The following DTNA variants were observed in gnomAD, a reference collection of about 807,000 sequenced individuals.
DTNA encodes dystrophin-related protein 3.
In DTNA, 43 loss-of-function variants were observed where a neutral mutation model predicts 100.7. The observed-to-expected ratio is 0.43, with a 90% CI of 0.33 to 0.55. The LOEUF is 0.55. DTNA is among the 20% of genes least tolerant of loss of function. The probability of loss-of-function intolerance (pLI) is 0.04; values close to 1 mark genes in which losing one functional copy is unlikely to be tolerated. For synonymous variants in DTNA, 349 were observed against 347.9 expected (o/e 1.00, Z -0.04); for missense variants, 798 against 953.9 (o/e 0.84, Z 2.15).
chr18:34,845,406 C>G (rs2149819137), intron 13 of DTNA, among the ~76,000 whole-genome samples: 1 of 152,244 alleles, frequency 6.6e-6, no homozygotes, highest in East Asian at 1.9e-4. Flanking sequence ...ATTACTTACA[C>G]TAGCTAGTCA....
At chr18:34,590,260 C>A (rs1045926264) in intron 1 of DTNA, among the ~76,000 whole-genome samples, 7 of 152,246 alleles carry the variant, frequency 4.6e-5, no homozygotes, top group African/African-American at 1.7e-4. Flanking sequence ...TCTACTTTTT[C>A]TTGGGCAGTA....
rs147386833 is a variant in DTNA at position 34,494,763 on chromosome 18, A to G, written c.-2+1249A>G. Among the ~76,000 whole-genome samples the G allele has an allele frequency of 2.0e-3, 298 of 152,184 alleles. 7 individuals are homozygous for G. The highest frequency in any genetic ancestry group is 0.016 in the Admixed American group (251 of 15,288). ...CTTATTCTAAAAAAATTGTCTTTTG[A>G]GTTGATGCTTATGTTTTCCTGTTAT... On this transcript the variant is annotated intron_variant, in intron 1 of 19. Coordinates refer to the DTNA transcript ENST00000283365.
intron 1 of DTNA, among the ~76,000 whole-genome samples, chr18:34,624,621 A>G (rs577070482): frequency 3.9e-5 from 6 of 152,380 alleles, no homozygotes; most frequent in African/African-American, 1.2e-4. Context: ...GATATGTTAA[A>G]TAAAGTTGAA....
intron 5 of DTNA, among the ~76,000 whole-genome samples, chr18:34,811,023 T>A (rs1311213605): frequency 6.6e-6 from 1 of 152,206 alleles, no homozygotes; most frequent in Non-Finnish European, 1.5e-5. Flanking sequence ...TATTTTGACC[T>A]TGAAAAATTA....
At chr18:34,860,352 C>A (rs1207200208) in intron 16 of DTNA, among the ~76,000 whole-genome samples, 1 of 150,216 alleles carries the variant, frequency 6.7e-6, no homozygotes, top group Non-Finnish European at 1.5e-5. Flanking sequence ...CAGGCGTGAG[C>A]CACCGCGCCC....
intron 1 of DTNA, among the ~76,000 whole-genome samples, chr18:34,555,264 C>G (rs1397724027): frequency 8.0e-4 from 118 of 147,276 alleles, no homozygotes; most frequent in African/African-American, 2.6e-3. Context: ...ATTCTTCTCT[C>G]TTTTTTTCTT....
At position 34,769,862 on chromosome 18, in the gene DTNA, C is replaced by T. The variant is rs188905223; in HGVS notation, c.148+3821C>T. Among the ~76,000 whole-genome samples, 972 of 151,224 alleles carry T rather than the reference C, an allele frequency of 6.4e-3. 6 individuals carry two copies. The highest frequency in any genetic ancestry group is 0.023 in the African/African-American group (932 of 41,256). On this transcript the variant is annotated intron_variant, in intron 3 of 22. Coordinates refer to ENST00000444659, the MANE Select transcript of DTNA (RefSeq NM_001386795.1). ...TTAGCCTCCCAAGTAGCTGGAATTA[C>T]AGGCATGCACCACCACGCCCAGCTA...
chr18:34,633,010 G>A (rs770812684), intron 1 of DTNA, among the ~76,000 whole-genome samples: 1 of 152,140 alleles, frequency 6.6e-6, no homozygotes, highest in Non-Finnish European at 1.5e-5. Context: ...CTGAAAGTTA[G>A]TAAATGGTAA....
At chr18:34,882,222 C>A in intron 21 of DTNA, 21 bp downstream of exon 21, 1 of 1,613,040 alleles carries the variant, frequency 6.2e-7, no homozygotes, top group South Asian at 1.1e-5. Context: ...CCAGGCCCAC[C>A]CCACCCCACC....
chr18:34,835,352 C>A (rs779141874), intron 11 of DTNA, among the ~76,000 whole-genome samples: 1 of 152,072 alleles, frequency 6.6e-6, no homozygotes, highest in Non-Finnish European at 1.5e-5. Flanking sequence ...GGGAAAGGAA[C>A]GGAAGATAAA....
At chr18:34,717,879 G>A (rs1009557608) in intron 1 of DTNA, among the ~76,000 whole-genome samples, 1 of 152,160 alleles carries the variant, frequency 6.6e-6, no homozygotes, top group African/African-American at 2.4e-5. Flanking sequence ...AATAATGGCA[G>A]CAGCACAGAA....
At chr18:34,864,203 T>TTTGTTAGACCA (rs1235121645) in intron 17 of DTNA, 141 bp downstream of exon 17, 1 of 718,454 alleles carries the variant, frequency 1.4e-6, no homozygotes, top group African/African-American at 1.8e-5. Flanking sequence ...TGTAAAACAA[T>TTTGTTAGACCA]TTGTTAGACC....
intron 1 of DTNA, among the ~76,000 whole-genome samples, chr18:34,631,256 T>C (rs1282018703): frequency 6.6e-6 from 1 of 152,186 alleles, no homozygotes; most frequent in African/African-American, 2.4e-5. Flanking sequence ...GGCTTGAGGA[T>C]AATAAAAGTG....
At chr18:34,758,780 G>A (rs1046468214) in intron 2 of DTNA, among the ~76,000 whole-genome samples, 1 of 152,186 alleles carries the variant, frequency 6.6e-6, no homozygotes, top group Non-Finnish European at 1.5e-5. Context: ...GAGGTCAGAA[G>A]CCTAGAGCAA....
chr18:34,795,297 G>A (rs1394463137), intron 4 of DTNA, among the ~76,000 whole-genome samples: 2 of 152,186 alleles, frequency 1.3e-5, no homozygotes, highest in Non-Finnish European at 2.9e-5. Flanking sequence ...TTGCAACTTA[G>A]AGTGTTAACA....
intron 1 of DTNA, among the ~76,000 whole-genome samples, chr18:34,588,927 A>G (rs569197622): frequency 1.8e-3 from 280 of 151,772 alleles, no homozygotes; most frequent in Non-Finnish European, 2.8e-3. Context: ...TATAAAAACT[A>G]TCATTGTTCC....
chr18:34,665,884 C>T (rs1441434956), intron 1 of DTNA, among the ~76,000 whole-genome samples: 2 of 152,118 alleles, frequency 1.3e-5, no homozygotes, highest in African/African-American at 2.4e-5. Flanking sequence ...AATAAACATA[C>T]GTGTGCATGT....
At chr18:34,667,072 A>G (rs1235153449) in intron 1 of DTNA, among the ~76,000 whole-genome samples, 1 of 152,102 alleles carries the variant, frequency 6.6e-6, no homozygotes, top group African/African-American at 2.4e-5. Flanking sequence ...ATGTTCTTCC[A>G]TTTGTTTGTG....
intron 17 of DTNA, among the ~76,000 whole-genome samples, chr18:34,869,927 A>C (rs1457337614): frequency 2.0e-5 from 3 of 152,168 alleles, no homozygotes; most frequent in Non-Finnish European, 1.5e-5. Flanking sequence ...AGGCTGAGGC[A>C]GGAGAATGGC....
Sources: gnomAD v4.1 joint callset for allele counts (sites outside exome capture counted in the v4.1 genomes callset) on GRCh38, gnomAD v4.1.1 for gene constraint, MANE v1.5 for transcripts, NCBI Gene and HGNC (gene_info 2026-07-23, HGNC 2026-07-21) for gene names.